TACR1: variants seen among roughly 807,000 people sequenced by gnomAD.
TACR1 encodes tachykinin receptor 1, also known as substance-P receptor.
In TACR1, 25 loss-of-function variants were observed where a neutral mutation model predicts 35.8. The ratio of observed to expected loss-of-function variants is 0.70; its 90% CI spans 0.51 to 0.98. TACR1 has a LOEUF of 0.98. Ranked by LOEUF, TACR1 falls within the 50% of genes least tolerant of loss-of-function variation. TACR1 has a pLI of 0.00. For synonymous variants in TACR1, 195 were observed against 206.7 expected (o/e 0.94, Z 0.48); for missense variants, 478 against 522.9 (o/e 0.91, Z 0.84).
At chr2:75,153,623 A>G (rs754372772) in intron 1 of TACR1, among the ~76,000 whole-genome samples, 5 of 152,226 alleles carry the variant, frequency 3.3e-5, no homozygotes, top group African/African-American at 7.2e-5. Context: ...CTTAATTCTT[A>G]GAGTATTATT....
intron 2 of TACR1, among the ~76,000 whole-genome samples, chr2:75,102,208 G>T (rs992285457): frequency 2.6e-4 from 40 of 152,098 alleles, no homozygotes; most frequent in African/African-American, 9.4e-4. Context: ...AGTGAATAAG[G>T]CTTCCTAGGT....
At chr2:75,133,527 C>T (rs1211486473) in intron 1 of TACR1, among the ~76,000 whole-genome samples, 3 of 152,068 alleles carry the variant, frequency 2.0e-5, no homozygotes, top group African/African-American at 4.8e-5. Flanking sequence ...ATGTTATGAC[C>T]TCCAGTTTCC....
At chr2:75,049,830 T>A in intron 4 of TACR1, 107 bp from the exon 5 acceptor site, 1 of 1,270,340 alleles carries the variant, frequency 7.9e-7, no homozygotes, top group Non-Finnish European at 1.1e-6. Context: ...AGCGTGATTC[T>A]GTTATTGTTT....
At chr2:75,153,220 C>A (rs1265811417) in intron 1 of TACR1, among the ~76,000 whole-genome samples, 1 of 152,164 alleles carries the variant, frequency 6.6e-6, no homozygotes, top group Non-Finnish European at 1.5e-5. Context: ...TATAAGAGTT[C>A]TTTTAGGCAA....
At chr2:75,162,386 T>C (rs915226792) in intron 1 of TACR1, among the ~76,000 whole-genome samples, 4 of 152,202 alleles carry the variant, frequency 2.6e-5, no homozygotes, top group Non-Finnish European at 5.9e-5. Flanking sequence ...TTTTGTTCCC[T>C]AACTAATTCT....
At chr2:75,167,346 T>C (rs1000661570) in intron 1 of TACR1, among the ~76,000 whole-genome samples, 1 of 151,726 alleles carries the variant, frequency 6.6e-6, no homozygotes, top group African/African-American at 2.4e-5. Flanking sequence ...AAACAGAGAG[T>C]AGCATGGTGT....
intron 2 of TACR1, among the ~76,000 whole-genome samples, chr2:75,107,911 G>A (rs955801351): frequency 3.3e-5 from 5 of 151,760 alleles, no homozygotes; most frequent in Admixed American, 6.6e-5. Context: ...AAGTATTTTG[G>A]AAAAAATAGA....
At chr2:75,123,544 C>T (rs1325755522) in intron 1 of TACR1, among the ~76,000 whole-genome samples, 2 of 152,182 alleles carry the variant, frequency 1.3e-5, no homozygotes, top group African/African-American at 4.8e-5. Flanking sequence ...TCAGTTAACT[C>T]TCTACCGTTC....
chr2:75,185,407 C>T lies in TACR1; in HGVS notation c.389+13139G>A, dbSNP rs190522202. Among the ~76,000 whole-genome samples the T allele has an allele frequency of 1.7e-3, 253 of 151,934 alleles. 3 individuals carry two copies. The highest frequency in any genetic ancestry group is 5.2e-3 in the African/African-American group (216 of 41,516). ...AACATAAAATAATATAAAATAATCA[C>T]TGAAAAAGAAATGAACATTTTAACC... On this transcript the variant is annotated intron_variant, in intron 1 of 4. Transcript: ENST00000305249.
At chr2:75,060,024 C>A (rs1330548559) in intron 2 of TACR1, among the ~76,000 whole-genome samples, 11 of 152,240 alleles carry the variant, frequency 7.2e-5, no homozygotes, top group Admixed American at 6.5e-4. Context: ...CTCTTGCAGG[C>A]AGGCAAAAAT....
At chr2:75,062,620 C>G (rs1672692399) in intron 2 of TACR1, among the ~76,000 whole-genome samples, 1 of 152,190 alleles carries the variant, frequency 6.6e-6, no homozygotes, top group African/African-American at 2.4e-5. Flanking sequence ...CTTTAATTAA[C>G]ATATTCAAAT....
intron 2 of TACR1, among the ~76,000 whole-genome samples, chr2:75,105,482 A>G (rs75413206): frequency 0.015 from 2,357 of 152,176 alleles, 54 homozygotes; most frequent in African/African-American, 0.053. Context: ...GTTAATAATA[A>G]TGCATCGTAC....
intron 2 of TACR1, among the ~76,000 whole-genome samples, chr2:75,107,911 GA>G (rs1558555618): frequency 6.6e-6 from 1 of 151,760 alleles, no homozygotes; most frequent in African/African-American, 2.4e-5. Context: ...AAGTATTTTG[GA>G]AAAAATAGAG....
chr2:75,199,226 G>A lies in TACR1; in HGVS notation c.-292C>T, dbSNP rs1676071994. ...TCTCTCTTGCGGTAAACTGAAAAAG[G>A]GAAAGAAATTCCACCGGTCACAGTT... is the stretch of plus-strand genomic sequence containing the variant. On this transcript the variant is annotated 5_prime_UTR_variant, in exon 1 of 5. Coordinates refer to ENST00000305249, the MANE Select transcript of TACR1 (RefSeq NM_001058.4). The A allele has an allele frequency of 2.7e-6, 1 of 366,130 alleles. No individual in the cohort carries two copies. The highest frequency in any genetic ancestry group is 5.0e-6 in the Non-Finnish European group (1 of 199,394). The allele number at this position is 366,130 out of a possible 1,614,324, so 22.7% of individuals were successfully genotyped here.
chr2:75,118,834 T>TC (rs1469414108), intron 2 of TACR1: 1 of 152,200 alleles, frequency 6.6e-6, no homozygotes. Context: ...ATTTTTTTTT[T>TC]CCCTTTTGAG....
intron 1 of TACR1, among the ~76,000 whole-genome samples, chr2:75,192,772 A>T (rs143917534): frequency 3.3e-5 from 5 of 152,222 alleles, no homozygotes; most frequent in Non-Finnish European, 4.4e-5. Context: ...TCGCTCTTCC[A>T]GGTTGAAACA....
intron 1 of TACR1, chr2:75,188,019 T>G (rs1207135375): frequency 4.6e-5 from 7 of 152,218 alleles, no homozygotes; most frequent in African/African-American, 1.7e-4. Context: ...TGTTAAATCA[T>G]GAAAATTCCA....
In TACR1 at chr2:75,175,880, T is replaced by C. The variant is rs188595708; in HGVS notation, c.389+22666A>G. ...ACATTTTGAACTTTGAAAACAGATA[T>C]CCTGGATTTTCTCAGAAGCTAACTA... On this transcript the variant is annotated intron_variant, in intron 1 of 4. Coordinates refer to ENST00000305249, the MANE Select transcript of TACR1 (RefSeq NM_001058.4). Among the ~76,000 whole-genome samples, 54 of 152,284 alleles carry C rather than the reference T, an allele frequency of 3.5e-4. No individual in the cohort carries two copies. The East Asian group carries it at 0.01, about 29-fold the overall frequency.
chr2:75,121,328 T>C (rs1182944215), intron 1 of TACR1, among the ~76,000 whole-genome samples: 1 of 152,232 alleles, frequency 6.6e-6, no homozygotes, highest in Non-Finnish European at 1.5e-5. Context: ...ATCAATTCTT[T>C]GAGCATCTAG....
Sources: allele counts gnomAD v4.1 joint callset (sites outside exome capture counted in the v4.1 genomes callset), GRCh38; gene constraint gnomAD v4.1.1; transcripts MANE v1.5; gene names NCBI Gene and HGNC (gene_info 2026-07-23, HGNC 2026-07-21).